Variants in DCC observed in about 807,000 individuals in gnomAD.
DCC encodes DCC netrin 1 receptor.
DCC carries 58 observed loss-of-function variants against 172.5 expected under a neutral mutation model. The ratio of observed to expected loss-of-function variants is 0.34; its 90% CI spans 0.27 to 0.42. DCC has a LOEUF of 0.42. DCC is among the 10% of genes least tolerant of loss of function. DCC has a pLI of 1.00. For synonymous variants in DCC, 709 were observed against 644.5 expected, an observed-to-expected ratio of 1.10 and a Z score of -1.52; for missense variants, 1,740 against 1,791.0, an observed-to-expected ratio of 0.97 and a Z score of 0.51.
intron 22 of DCC, among the ~76,000 whole-genome samples, chr18:53,446,429 G>C (rs564060169): frequency 9.2e-5 from 14 of 152,250 alleles, no homozygotes; most frequent in Non-Finnish European, 1.9e-4. Context: ...GTCTTTGAAT[G>C]ACTTTATGCA....
intron 5 of DCC, among the ~76,000 whole-genome samples, chr18:53,013,103 A>T (rs1184088976): frequency 6.6e-6 from 1 of 152,170 alleles, no homozygotes; most frequent in African/African-American, 2.4e-5. Context: ...AGAAATAAGA[A>T]CACATTTACA....
At chr18:52,946,206 T>G (rs2040542272) in intron 5 of DCC, among the ~76,000 whole-genome samples, 1 of 152,172 alleles carries the variant, frequency 6.6e-6, no homozygotes, top group Non-Finnish European at 1.5e-5. Flanking sequence ...TAATTGTACC[T>G]CTTTGTTTAC....
chr18:52,913,920 T>A (rs1281051732), intron 3 of DCC, among the ~76,000 whole-genome samples: 2 of 152,084 alleles, frequency 1.3e-5, no homozygotes, highest in African/African-American at 4.8e-5. Context: ...TCATTTGCCA[T>A]CTATTTATTC....
At chr18:53,325,949 A>G (rs11665094) in intron 14 of DCC, among the ~76,000 whole-genome samples, 94,419 of 152,002 alleles carry the variant, frequency 0.62, 29,908 homozygotes, top group African/African-American at 0.68. Flanking sequence ...TAGGATTGTA[A>G]GGAAGTGTGT....
rs539903637 is a variant in DCC, at chr18:52,908,543, A to G, written c.697+2215A>G. On this transcript the variant is annotated intron_variant, in intron 3 of 28. Transcript: ENST00000442544. ...CATATGTTTATCTTAATATGACAGG[A>G]AAATCTGTTTTCCAGTGGTATTAAG... 9.8e-5 allele frequency among the ~76,000 whole-genome samples: 15 copies of G among 152,322 alleles called. No individual in the cohort carries two copies. In the East Asian group the frequency reaches 2.9e-3, roughly 29 times the overall value.
intron 6 of DCC, among the ~76,000 whole-genome samples, chr18:53,064,259 T>C (rs115865455): frequency 1.9e-3 from 286 of 152,232 alleles, no homozygotes; most frequent in African/African-American, 6.4e-3. Context: ...CTTGTCTCAT[T>C]TGGAAATGCT....
At chr18:52,482,459 C>G (rs1598853058) in intron 1 of DCC, among the ~76,000 whole-genome samples, 1 of 152,140 alleles carries the variant, frequency 6.6e-6, no homozygotes, top group South Asian at 2.1e-4. Context: ...ATGTACTTCT[C>G]TAAGTTCTCG....
chr18:53,514,683 A>G (rs968427509), intron 27 of DCC, among the ~76,000 whole-genome samples: 6 of 152,100 alleles, frequency 3.9e-5, no homozygotes, highest in Admixed American at 3.9e-4. Context: ...CTACACAAAT[A>G]AACTAGAAAA....
intron 12 of DCC, among the ~76,000 whole-genome samples, chr18:53,246,541 A>C (rs958206309): frequency 1.3e-5 from 2 of 151,940 alleles, no homozygotes; most frequent in Admixed American, 6.6e-5. Context: ...AAAACAGGTG[A>C]ATTAAAAGTA....
At chr18:52,810,325 G>A (rs376947059) in intron 2 of DCC, among the ~76,000 whole-genome samples, 4 of 152,106 alleles carry the variant, frequency 2.6e-5, no homozygotes, top group African/African-American at 7.2e-5. Flanking sequence ...GAGTGAGAAC[G>A]ATGCAAGCCA....
At chr18:53,440,639 C>G (rs2145129217) in intron 22 of DCC, among the ~76,000 whole-genome samples, 1 of 152,102 alleles carries the variant, frequency 6.6e-6, no homozygotes, top group Non-Finnish European at 1.5e-5. Context: ...CAGCAGAAAT[C>G]TTAATGCAAA....
chr18:52,372,978 G>A (rs934604969), intron 1 of DCC, among the ~76,000 whole-genome samples: 2 of 152,156 alleles, frequency 1.3e-5, no homozygotes, highest in Admixed American at 6.5e-5. Flanking sequence ...AGGGATGCAG[G>A]AGCCTCTATT....
At chr18:53,390,117 A>C (rs1038659134) in intron 16 of DCC, among the ~76,000 whole-genome samples, 1 of 152,158 alleles carries the variant, frequency 6.6e-6, no homozygotes, top group Non-Finnish European at 1.5e-5. Context: ...GGAGACTGCA[A>C]CGTCTTCTCT....
At chr18:53,414,243 A>C (rs1380943254) in intron 20 of DCC, among the ~76,000 whole-genome samples, 1 of 152,182 alleles carries the variant, frequency 6.6e-6, no homozygotes, top group South Asian at 2.1e-4. Context: ...GAGTGTCAAG[A>C]TAAATAAATT....
chr18:52,454,355 A>C (rs552411579), intron 1 of DCC, among the ~76,000 whole-genome samples: 1 of 152,276 alleles, frequency 6.6e-6, no homozygotes, highest in South Asian at 2.1e-4. Flanking sequence ...ATCCCTCAGG[A>C]TAACTTTTTT....
chr18:52,662,915 A>T (rs1441489500), intron 1 of DCC, among the ~76,000 whole-genome samples: 1 of 152,070 alleles, frequency 6.6e-6, no homozygotes, highest in Non-Finnish European at 1.5e-5. Context: ...TTATAAGAGC[A>T]CTGGTCCCAT....
At chr18:53,189,387 C>G (rs558966118) in intron 9 of DCC, among the ~76,000 whole-genome samples, 3 of 151,746 alleles carry the variant, frequency 2.0e-5, no homozygotes, top group African/African-American at 7.3e-5. Context: ...TCACAGGCAG[C>G]TTAAAACATA....
intron 1 of DCC, among the ~76,000 whole-genome samples, chr18:52,625,568 A>G (rs1018385929): frequency 6.6e-6 from 1 of 151,994 alleles, no homozygotes; most frequent in African/African-American, 2.4e-5. Flanking sequence ...TCTCTACTTC[A>G]TCATTACATT....
At position 52,340,672 on chromosome 18, in the gene DCC, G is replaced by C; in HGVS notation, c.-116G>C. ...GGTGGAGGAAGAGGACGAGGAGGAGGAGGAAGCCGAAGGGGCTCGGCGCGT... is the reference window on the plus strand; with the variant it reads ...GGTGGAGGAAGAGGACGAGGAGGAGCAGGAAGCCGAAGGGGCTCGGCGCGT... On this transcript the variant is annotated 5_prime_UTR_variant, in exon 1 of 29. Coordinates refer to ENST00000442544, the MANE Select transcript of DCC (RefSeq NM_005215.4). 1.2e-6 allele frequency: 1 copy of C among 802,472 alleles called. No homozygotes were observed. The highest frequency in any genetic ancestry group is 2.3e-6 in the Non-Finnish European group (1 of 443,520). 49.7% of individuals were successfully genotyped at this position (802,472 alleles called of 1,614,324 possible).
Sources: gnomAD v4.1 joint callset for allele counts (sites outside exome capture counted in the v4.1 genomes callset) on GRCh38, gnomAD v4.1.1 for gene constraint, MANE v1.5 for transcripts, NCBI Gene and HGNC (gene_info 2026-07-23, HGNC 2026-07-21) for gene names.